Variants in HGS observed in about 807,000 individuals in gnomAD.
The protein encoded by HGS is hepatocyte growth factor-regulated tyrosine kinase substrate, also known as human growth factor-regulated tyrosine kinase substrate.
In HGS, 63 loss-of-function variants were observed where a neutral mutation model predicts 109.7. That is an observed-to-expected ratio of 0.57 (90% CI 0.47 to 0.71). The LOEUF is 0.71. Among genes scored for constraint, HGS ranks in the 30% least tolerant of loss-of-function variants. The probability of loss-of-function intolerance (pLI) is 0.00; values close to 1 mark genes in which losing one functional copy is unlikely to be tolerated. For missense variants in HGS, 995 were observed against 1,068.3 expected (o/e 0.93, Z 0.96); for synonymous variants, 546 against 437.3 (o/e 1.25, Z -3.10).
Position 81,691,190 on chromosome 17 carries a change from G to A in HGS, c.538-257G>A. 1 of 516,776 alleles carries A rather than the reference G, an allele frequency of 1.9e-6. No individual in the cohort carries two copies. Among genetic ancestry groups the A allele is most frequent in the Non-Finnish European group, 3.5e-6 (1 of 284,760 alleles). 32.0% of individuals were successfully genotyped at this position (516,776 alleles called of 1,614,324 possible). A position where few individuals can be genotyped will look rare whatever the true frequency, so the allele number is the denominator to read the frequency against. On this transcript the variant is annotated intron_variant, in intron 7 of 21. Transcript: ENST00000329138. The surrounding 1 kb of genome is among the most constrained non-coding windows in gnomAD (Gnocchi z 5.3). The stretch of plus-strand genomic sequence containing the variant: ...CACAAAAGCTCTTGTTTTATCAGCA[G>A]AATTGATGTGTATTTTTTCCTTGCC...
intron 14 of HGS, 67 bp from the exon 15 acceptor site, chr17:81,695,719 C>T (rs35646762): frequency 0.064 from 94,924 of 1,476,568 alleles, 4,163 homozygotes; most frequent in East Asian, 0.26. Flanking sequence ...TGCCTCCATC[C>T]CAGGCCCCAC....
In HGS at chr17:81,691,658, C is replaced by T; in HGVS notation, c.662+87C>T. 2 of 1,520,660 alleles carry T rather than the reference C, an allele frequency of 1.3e-6. No individual in the cohort carries two copies. The highest frequency in any genetic ancestry group is 1.8e-6 in the Non-Finnish European group (2 of 1,105,100). The allele number at this position is 1,520,660 out of a possible 1,614,324, so 94.2% of individuals were successfully genotyped here. ...TCCCTCTTGGCCATGGTGCCTGAGG[C>T]CTGCAGACCCCAGAGGACCCTCACA... On this transcript the variant is annotated intron_variant, in intron 8 of 21. Coordinates refer to ENST00000329138, the MANE Select transcript of HGS (RefSeq NM_004712.5). The surrounding 1 kb of genome is among the most constrained non-coding windows in gnomAD (Gnocchi z 5.3).
chr17:81,701,102 A>G lies in HGS; in HGVS notation c.2194A>G (p.Ile732Val), dbSNP rs755353142. 3.1e-6 allele frequency: 5 copies of G among 1,613,850 alleles called. No individual in the cohort carries two copies. The highest frequency in any genetic ancestry group is 3.4e-6 in the Non-Finnish European group (4 of 1,179,972). ...DASLPPQQPYIAGQQPMYQQM... is the reference protein window; with the variant it reads ...DASLPPQQPYVAGQQPMYQQM... ...GTCTCTGCCACCCCAGCAGCCCTAC[A>G]TCGCGGGGCAGCAGCCCATGTACCA... is the stretch of plus-strand genomic sequence containing the variant. Residue 732 changes from isoleucine (I) to valine (V), a missense_variant, in exon 21 of 22, where the codon ATC becomes GTC. Physicochemically the swap from Ile to Val is conservative, Grantham distance 29. Around this residue, in one of 6 missense-constraint regions of HGS, gnomAD observed 326 missense variants for 309.7 expected, o/e 1.05. Coordinates refer to ENST00000329138, the MANE Select transcript of HGS (RefSeq NM_004712.5).
chr17:81,687,295 G>T (rs2036994827), intron 4 of HGS, among the ~76,000 whole-genome samples, 200 bp downstream of exon 4: 1 of 152,252 alleles, frequency 6.6e-6, no homozygotes, highest in South Asian at 2.1e-4. Context: ...GGAGGTCAGG[G>T]TTTAGCAGGA....
At chr17:81,689,836 T>C (rs1161888143) in intron 5 of HGS, among the ~76,000 whole-genome samples, 4 of 152,162 alleles carry the variant, frequency 2.6e-5, no homozygotes, top group African/African-American at 9.7e-5. Context: ...CAAGAATAGC[T>C]CAAGGTCTTG....
At chr17:81,700,102 C>G (rs965151644) in intron 18 of HGS, among the ~76,000 whole-genome samples, 1 of 151,140 alleles carries the variant, frequency 6.6e-6, no homozygotes, top group Non-Finnish European at 1.5e-5. Context: ...CGCGGTGGCT[C>G]ACGCCTGTAA....
Position 81,695,570 on chromosome 17 carries a change from C to T in HGS, c.1180-216C>T, listed in dbSNP as rs1371350708. 5.0e-6 allele frequency: 3 copies of T among 605,088 alleles called. No homozygotes were observed. In the East Asian group the frequency reaches 8.3e-5, roughly 17 times the overall value. The allele number at this position is 605,088 out of a possible 1,614,324, so 37.5% of individuals were successfully genotyped here. A position where few individuals can be genotyped will look rare whatever the true frequency, so the allele number is the denominator to read the frequency against. ...CCTGGAGAGGGAGCTGGCAGTGGGG[C>T]CCTGAGCCAGCTCCGTCCTGACCAG... On this transcript the variant is annotated intron_variant, in intron 14 of 21. Coordinates refer to ENST00000329138, the MANE Select transcript of HGS (RefSeq NM_004712.5).
chr17:81,686,369 C>T lies in HGS; in HGVS notation c.180C>T (p.Val60=), dbSNP rs779758856. The part of the protein sequence containing the change: ...KKKVNDKNPH[V]ALYALEVMES... ...AAGTCAACGACAAGAACCCACACGT[C>T]GCCTTGTATGCCCTGGAGGTAAGCA... The change falls in exon 3 of 22, where the codon GTC becomes GTT. Residue 60 remains valine, a synonymous_variant. Transcript: ENST00000329138. The T allele has an allele frequency of 3.7e-6, 6 of 1,613,636 alleles. No homozygotes were observed. The highest frequency in any genetic ancestry group is 1.7e-4 in the Middle Eastern group (1 of 6,060).
Position 81,696,975 on chromosome 17 carries a change from C to T in HGS, c.1859C>T (p.Pro620Leu), listed in dbSNP as rs2037161607. The change falls in exon 18 of 22, where the codon CCC becomes CTC. Residue 620 changes from proline to leucine, a missense_variant. Pro to Leu is a moderately conservative substitution (Grantham distance 98). This residue lies in a region of HGS where 326 missense variants were observed against 309.7 expected (regional missense o/e 1.05). Transcript: ENST00000329138. ...SQPAPAAGPYPSMPSTAADPS... is the reference protein window; with the variant it reads ...SQPAPAAGPYLSMPSTAADPS... Reference sequence around the variant, plus strand: ...CCGGCCCCTGCCGCTGGCCCCTACCCCAGCATGCCCAGCACTGCGGCTGGT... The same window carrying T: ...CCGGCCCCTGCCGCTGGCCCCTACCTCAGCATGCCCAGCACTGCGGCTGGT... 1 of 1,596,754 alleles carries T rather than the reference C, an allele frequency of 6.3e-7. No homozygotes were observed. Among genetic ancestry groups the T allele is most frequent in the Non-Finnish European group, 8.5e-7 (1 of 1,175,006 alleles).
At chr17:81,685,748 C>CA in intron 2 of HGS, 59 bp downstream of exon 2, 4 of 1,357,412 alleles carry the variant, frequency 2.9e-6, no homozygotes, top group Non-Finnish European at 4.2e-6. Flanking sequence ...AAGCTGGGCT[C>CA]GCTTGGTGCC....
In HGS at chr17:81,691,158, C is replaced by G. The variant is rs2037058462; in HGVS notation, c.538-289C>G. ...GGGTGTCAGCAGCTTCCAGCACCCA[C>G]TGCACTCACAAAAGCTCTTGTTTTA... is the stretch of plus-strand genomic sequence containing the variant. On this transcript the variant is annotated intron_variant, in intron 7 of 21. Coordinates refer to ENST00000329138, the MANE Select transcript of HGS (RefSeq NM_004712.5). This position sits in a 1 kb window ranked among gnomAD's most constrained non-coding sequence, Gnocchi z 5.3. The G allele has an allele frequency of 2.1e-6, 1 of 466,786 alleles. No individual in the cohort carries two copies. The highest frequency in any genetic ancestry group is 2.0e-5 in the African/African-American group (1 of 51,178). The allele number at this position is 466,786 out of a possible 1,614,324, so 28.9% of individuals were successfully genotyped here.
At chr17:81,692,927 C>T (rs1178503919) in intron 8 of HGS, 1 of 152,132 alleles carries the variant, frequency 6.6e-6, no homozygotes, top group Non-Finnish European at 1.5e-5. Flanking sequence ...AGGAAAATCA[C>T]TTGAACCTGA....
rs773712879 is a variant in HGS, at chr17:81,693,916, C to T, written c.887C>T (p.Pro296Leu). Reference protein sequence around the residue: ...YTSYPKAEPMPSASSAPPASS... With the variant: ...YTSYPKAEPMLSASSAPPASS... ...TCGTACCCCAAGGCGGAGCCCATGC[C>T]CTCGGCCTCCTCAGCGCCCCCCGCC... The change falls in exon 11 of 22, where the codon CCC becomes CTC. Residue 296 changes from proline to leucine, a missense_variant. By Grantham distance (98) the Pro-to-Leu change is moderately conservative. Transcript: ENST00000329138. 7 of 1,611,730 alleles carry T rather than the reference C, an allele frequency of 4.3e-6. No individual in the cohort carries two copies. The highest frequency in any genetic ancestry group is 5.9e-6 in the Non-Finnish European group (7 of 1,179,812).
At position 81,695,989 on chromosome 17, in the gene HGS, C is replaced by T. The variant is rs377545909; in HGVS notation, c.1383C>T (p.Asp461=). ...PQLLELLNQL[D]ERRLYYEGLQ... is the part of the protein sequence containing the mutation. ...TGCTGGAGCTGCTCAACCAGCTGGACGAGCGCAGGCGTAGGTGCCCGCGCC... is the reference window on the plus strand; with the variant it reads ...TGCTGGAGCTGCTCAACCAGCTGGATGAGCGCAGGCGTAGGTGCCCGCGCC... The change falls in exon 15 of 22, where the codon GAC becomes GAT. Residue 461 remains aspartate, a synonymous_variant. Coordinates refer to ENST00000329138, the MANE Select transcript of HGS (RefSeq NM_004712.5). 27 of 1,554,794 alleles carry T rather than the reference C, an allele frequency of 1.7e-5. No homozygotes were observed. Among genetic ancestry groups the T allele is most frequent in the South Asian group, 4.9e-5 (4 of 81,792 alleles).
chr17:81,684,433 C>G (rs1305835792), intron 1 of HGS: 2 of 280,630 alleles, frequency 7.1e-6, no homozygotes, highest in East Asian at 6.0e-5. Context: ...GCCACAAGGC[C>G]TGAGTCATGA....
intron 2 of HGS, among the ~76,000 whole-genome samples, chr17:81,686,050 C>T (rs916507830): frequency 9.2e-5 from 14 of 152,114 alleles, no homozygotes; most frequent in African/African-American, 3.1e-4. Context: ...CCCACCTCAA[C>T]CTCCTGAGTA....
chr17:81,687,308 C>T lies in HGS; in HGVS notation c.291+213C>T, dbSNP rs989901847. On this transcript the variant is annotated intron_variant, in intron 4 of 21. Coordinates refer to ENST00000329138, the MANE Select transcript of HGS (RefSeq NM_004712.5). ...AGGGAGGTCAGGGTTTAGCAGGAGC[C>T]GGCCTGGGGTGCTGTGTCTGGAGGA... Among the ~76,000 whole-genome samples the T allele has an allele frequency of 2.0e-4, 31 of 152,340 alleles. 1 individual carries two copies. The highest frequency in any genetic ancestry group is 7.7e-4 in the East Asian group (4 of 5,188).
chr17:81,686,937 G>T, intron 3 of HGS, 66 bp from the exon 4 acceptor site: 1 of 1,346,132 alleles, frequency 7.4e-7, no homozygotes, highest in Non-Finnish European at 1.0e-6. Flanking sequence ...AGGTGGGTCT[G>T]TCCGGGAGGA....
Position 81,691,355 on chromosome 17 carries a change from C to A in HGS, c.538-92C>A. The A allele has an allele frequency of 6.5e-7, 1 of 1,530,400 alleles. No homozygotes were observed. Among genetic ancestry groups the A allele is most frequent in the Non-Finnish European group, 8.9e-7 (1 of 1,121,962 alleles). The allele number at this position is 1,530,400 out of a possible 1,614,324, so 94.8% of individuals were successfully genotyped here. On this transcript the variant is annotated intron_variant, in intron 7 of 21. Transcript: ENST00000329138. The surrounding 1 kb of genome is among the most constrained non-coding windows in gnomAD (Gnocchi z 5.3). Reference sequence around the variant, plus strand: ...CTTGCCTTCCCCCACCTGTGAGGCCCAGCTTCGGCATCGTACGGGGTGGTT... The same window carrying A: ...CTTGCCTTCCCCCACCTGTGAGGCCAAGCTTCGGCATCGTACGGGGTGGTT...
Sources: allele counts gnomAD v4.1 joint callset (sites outside exome capture counted in the v4.1 genomes callset), GRCh38; gene constraint gnomAD v4.1.1; regional missense constraint gnomAD v4.1.1; non-coding constraint Gnocchi (gnomAD v3.1); transcripts MANE v1.5; gene names NCBI Gene and HGNC (gene_info 2026-07-23, HGNC 2026-07-21).